The following TRAK2 variants were observed in gnomAD, a reference collection of about 807,000 sequenced individuals.
TRAK2 encodes the protein trafficking kinesin-binding protein 2.
In TRAK2, 81 loss-of-function variants were observed where a neutral mutation model predicts 104.6. The observed-to-expected ratio is 0.77, with a 90% CI of 0.65 to 0.93. TRAK2 has a LOEUF of 0.93. TRAK2 is among the 40% of genes least tolerant of loss of function. The probability of loss-of-function intolerance (pLI) is 0.00; values close to 1 mark genes in which losing one functional copy is unlikely to be tolerated. For synonymous variants in TRAK2, 406 were observed against 394.4 expected (o/e 1.03, Z -0.35); for missense variants, 1,002 against 1,089.0 (o/e 0.92, Z 1.12).
At chr2:201,385,847 T>C (rs569341514) in intron 14 of TRAK2, among the ~76,000 whole-genome samples, 1 of 152,384 alleles carries the variant, frequency 6.6e-6, no homozygotes, top group East Asian at 1.9e-4. Flanking sequence ...TTATTTTAAA[T>C]GAGTTAATAC....
intron 1 of TRAK2, among the ~76,000 whole-genome samples, chr2:201,429,494 T>C (rs1476387607): frequency 3.3e-5 from 5 of 152,250 alleles, no homozygotes; most frequent in African/African-American, 1.2e-4. Context: ...CACTTTCAGG[T>C]ACACCAATCA....
intron 3 of TRAK2, among the ~76,000 whole-genome samples, chr2:201,406,774 C>G (rs1951598249): frequency 6.6e-6 from 1 of 152,026 alleles, no homozygotes; most frequent in Non-Finnish European, 1.5e-5. Flanking sequence ...TTTTTGGGAT[C>G]AAATGCAAAA....
At chr2:201,387,191 T>C (rs542308494) in intron 13 of TRAK2, among the ~76,000 whole-genome samples, 2 of 152,340 alleles carry the variant, frequency 1.3e-5, no homozygotes, top group South Asian at 2.1e-4. Context: ...ATGATTGTCA[T>C]TGTTCCAGAA....
chr2:201,412,891 G>A, intron 2 of TRAK2: 1 of 796,498 alleles, frequency 1.3e-6, no homozygotes, highest in Non-Finnish European at 2.3e-6. Flanking sequence ...AATGTCTGGA[G>A]ATATAGGGAA....
intron 1 of TRAK2, chr2:201,423,499 A>G (rs1013334506): frequency 6.6e-6 from 1 of 152,138 alleles, no homozygotes; most frequent in Non-Finnish European, 1.5e-5. Context: ...GATGATGAAA[A>G]TTTCATCAAT....
chr2:201,386,043 G>A (rs1234170612), intron 14 of TRAK2, among the ~76,000 whole-genome samples, 175 bp downstream of exon 14: 1 of 152,174 alleles, frequency 6.6e-6, no homozygotes, highest in Non-Finnish European at 1.5e-5. Flanking sequence ...AACGCAGGCT[G>A]GCTAAGATAA....
At chr2:201,406,387 A>G (rs1404374799) in intron 3 of TRAK2, among the ~76,000 whole-genome samples, 1 of 152,050 alleles carries the variant, frequency 6.6e-6, no homozygotes, top group Non-Finnish European at 1.5e-5. Flanking sequence ...ACACCACAAC[A>G]CTCACTGGGC....
At chr2:201,394,928 C>A in intron 8 of TRAK2, 56 bp from the exon 9 acceptor site, 1 of 1,399,802 alleles carries the variant, frequency 7.1e-7, no homozygotes, top group Non-Finnish European at 1.0e-6. Flanking sequence ...TATAGCTATT[C>A]TCTTTCTTAT....
chr2:201,380,615 T>A lies in TRAK2; in HGVS notation c.2673A>T (p.Pro891=), dbSNP rs766525214. The change falls in exon 16 of 16, where the codon CCA becomes CCT. Residue 891 remains proline (P), a synonymous_variant. Coordinates refer to ENST00000332624, the MANE Select transcript of TRAK2 (RefSeq NM_015049.3). Reference sequence around the variant, plus strand: ...GGGCAGCAAAGCTACCCATTATGACTGGAAGACTCTGATTCCTCCTTAGTC... The same window carrying A: ...GGGCAGCAAAGCTACCCATTATGACAGGAAGACTCTGATTCCTCCTTAGTC... The part of the protein sequence containing the change: ...LGGLRRNQSL[P]VIMGSFAAPV... 4 of 1,614,036 alleles carry A rather than the reference T, an allele frequency of 2.5e-6. No homozygotes were observed. In the East Asian group the frequency reaches 8.9e-5, roughly 36 times the overall value.
chr2:201,426,172 G>A (rs1351785283), intron 1 of TRAK2, among the ~76,000 whole-genome samples: 1 of 152,162 alleles, frequency 6.6e-6, no homozygotes, highest in Non-Finnish European at 1.5e-5. Flanking sequence ...TGCATTTACA[G>A]CCGCTCCCCA....
intron 7 of TRAK2, among the ~76,000 whole-genome samples, chr2:201,395,996 T>C (rs929169028): frequency 6.6e-6 from 1 of 152,174 alleles, no homozygotes; most frequent in Non-Finnish European, 1.5e-5. Context: ...TGTGGCAAAC[T>C]GAGTAAAGCC....
At chr2:201,395,035 A>T (rs749422242) in intron 8 of TRAK2, 163 bp from the exon 9 acceptor site, 86 of 686,708 alleles carry the variant, frequency 1.3e-4, no homozygotes, top group Non-Finnish European at 1.8e-4. Flanking sequence ...CGAATACAAA[A>T]TCTATCAAGG....
chr2:201,442,431 T>G (rs1260776467), intron 1 of TRAK2, among the ~76,000 whole-genome samples: 1 of 151,782 alleles, frequency 6.6e-6, no homozygotes, highest in African/African-American at 2.4e-5. Flanking sequence ...ATTTGACGCT[T>G]GGACCCCAAA....
intron 3 of TRAK2, among the ~76,000 whole-genome samples, chr2:201,401,885 CT>C (rs1183830630): frequency 1.3e-5 from 2 of 152,002 alleles, no homozygotes; most frequent in African/African-American, 2.4e-5. Flanking sequence ...GCTCTTTTGA[CT>C]TTGAACATGA....
At chr2:201,428,812 C>A (rs1235766101) in intron 1 of TRAK2, among the ~76,000 whole-genome samples, 2 of 152,172 alleles carry the variant, frequency 1.3e-5, no homozygotes, top group Non-Finnish European at 2.9e-5. Context: ...ATGGAATGTT[C>A]TTCCATTTGT....
intron 4 of TRAK2, among the ~76,000 whole-genome samples, chr2:201,399,732 A>C (rs1170166450): frequency 2.0e-5 from 3 of 152,090 alleles, no homozygotes; most frequent in Non-Finnish European, 4.4e-5. Context: ...TCTTGATATC[A>C]AGTGAGATTT....
intron 5 of TRAK2, among the ~76,000 whole-genome samples, chr2:201,398,831 A>C (rs1352975985): frequency 6.6e-6 from 1 of 152,144 alleles, no homozygotes; most frequent in Non-Finnish European, 1.5e-5. Context: ...TTTCAACCTA[A>C]AGGCTCAAAT....
At chr2:201,406,958 G>A (rs2125649213) in intron 3 of TRAK2, among the ~76,000 whole-genome samples, 1 of 152,220 alleles carries the variant, frequency 6.6e-6, no homozygotes, top group Admixed American at 6.5e-5. Context: ...AACTACTTAT[G>A]TACCTAAGAA....
intron 12 of TRAK2, among the ~76,000 whole-genome samples, chr2:201,388,914 T>C (rs1951416497): frequency 1.3e-5 from 2 of 152,104 alleles, no homozygotes; most frequent in African/African-American, 2.4e-5. Flanking sequence ...TCTAGTTATA[T>C]AGAATTCAAT....
Sources: allele counts gnomAD v4.1 joint callset (sites outside exome capture counted in the v4.1 genomes callset), GRCh38; gene constraint gnomAD v4.1.1; transcripts MANE v1.5; gene names NCBI Gene and HGNC (gene_info 2026-07-23, HGNC 2026-07-21).